The following NBEAL1 variants were observed in gnomAD, a reference collection of about 807,000 sequenced individuals.
NBEAL1 encodes the protein neurobeachin like 1.
NBEAL1 carries 273 observed loss-of-function variants against 351.3 expected under a neutral mutation model. That is an observed-to-expected ratio of 0.78 (90% CI 0.70 to 0.86). The LOEUF (loss-of-function observed/expected upper bound fraction) is 0.86, where lower values mean the gene tolerates loss of function less well. NBEAL1 is among the 40% of genes least tolerant of loss of function. The pLI, the probability that NBEAL1 is intolerant of heterozygous loss-of-function variation, is 0.00. For synonymous variants in NBEAL1, 1,050 were observed against 1,086.4 expected (o/e 0.97, Z 0.66); for missense variants, 2,961 against 3,201.3 (o/e 0.92, Z 1.81).
chr2:203,203,021 C>T (rs770305155), intron 51 of NBEAL1, among the ~76,000 whole-genome samples: 22 of 152,204 alleles, frequency 1.4e-4, no homozygotes, highest in Non-Finnish European at 2.8e-4. Context: ...CCTAGGAAAA[C>T]GGGAATTATT....
chr2:203,031,068 TGCTGGCA>T (rs1334735929), intron 2 of NBEAL1, among the ~76,000 whole-genome samples: 2 of 152,182 alleles, frequency 1.3e-5, no homozygotes, highest in Non-Finnish European at 2.9e-5. Flanking sequence ...TTTAGAAAAA[TGCTGGCA>T]GTTAAACTGC....
intron 10 of NBEAL1, among the ~76,000 whole-genome samples, chr2:203,089,386 G>T (rs934244694): frequency 6.6e-6 from 1 of 151,050 alleles, no homozygotes; most frequent in Non-Finnish European, 1.5e-5. Flanking sequence ...TCCCCACTTT[G>T]TTCCAGGTCT....
chr2:203,087,105 T>A (rs1366191031), intron 10 of NBEAL1, among the ~76,000 whole-genome samples: 1 of 146,836 alleles, frequency 6.8e-6, no homozygotes, highest in Non-Finnish European at 1.5e-5. Context: ...TTTTTTTTTT[T>A]TTTTTTTGGA....
intron 6 of NBEAL1, among the ~76,000 whole-genome samples, chr2:203,059,404 C>G (rs2061459455): frequency 6.6e-6 from 1 of 152,256 alleles, no homozygotes; most frequent in African/African-American, 2.4e-5. Flanking sequence ...CAGAGAGCCT[C>G]TACTCATCAG....
intron 47 of NBEAL1, among the ~76,000 whole-genome samples, chr2:203,196,468 T>C (rs2065243878): frequency 6.6e-6 from 1 of 152,222 alleles, no homozygotes; most frequent in Non-Finnish European, 1.5e-5. Flanking sequence ...AAAGTAGAGA[T>C]AGTAGTGAAA....
chr2:203,093,173 A>G (rs1304994327), intron 10 of NBEAL1, among the ~76,000 whole-genome samples: 4 of 134,740 alleles, frequency 3.0e-5, no homozygotes, highest in Non-Finnish European at 6.2e-5. Context: ...TGGAGGTTGC[A>G]GTGAGCCGAG....
chr2:203,182,610 T>G (rs992298208), intron 43 of NBEAL1: 3 of 152,254 alleles, frequency 2.0e-5, no homozygotes, highest in Non-Finnish European at 1.5e-5. Flanking sequence ...AAAGACCCTG[T>G]GCATTCTGTC....
At chr2:203,030,330 G>T (rs1053658788) in intron 2 of NBEAL1, among the ~76,000 whole-genome samples, 5 of 152,116 alleles carry the variant, frequency 3.3e-5, no homozygotes, top group African/African-American at 1.2e-4. Flanking sequence ...CTTTTGCCTG[G>T]TGAACTTGAG....
chr2:203,065,157 G>A (rs1436067813), intron 6 of NBEAL1, among the ~76,000 whole-genome samples: 4 of 152,108 alleles, frequency 2.6e-5, no homozygotes, highest in Admixed American at 2.6e-4. Context: ...TTTGCAGGAG[G>A]CTGAGGTGGG....
chr2:203,142,584 A>T (rs974285569), intron 31 of NBEAL1, among the ~76,000 whole-genome samples: 3 of 152,246 alleles, frequency 2.0e-5, no homozygotes, highest in Non-Finnish European at 4.4e-5. Flanking sequence ...CAAGTAAATT[A>T]TCTTATATTC....
In NBEAL1 at chr2:203,094,605, T is replaced by C. The variant is rs74386671; in HGVS notation, c.1099-2942T>C. ...TATGAGATTCGTCAGCCTATTTAAG[T>C]ATGCGTTGATTTCCGTAAGTATTTG... On this transcript the variant is annotated intron_variant, in intron 10 of 55. Coordinates refer to ENST00000683969, the MANE Select transcript of NBEAL1 (RefSeq NM_001378026.1). Among the ~76,000 whole-genome samples the C allele has an allele frequency of 6.6e-5, 10 of 152,318 alleles. No homozygotes were observed. The East Asian group carries it at 1.7e-3, about 26-fold the overall frequency.
intron 18 of NBEAL1, among the ~76,000 whole-genome samples, chr2:203,120,058 A>G (rs1381023288): frequency 6.6e-6 from 1 of 152,222 alleles, no homozygotes; most frequent in East Asian, 1.9e-4. Context: ...CTCTGTCTGT[A>G]AGAAGCTTAC....
chr2:203,211,168 T>A lies in NBEAL1; in HGVS notation c.7934+62T>A, dbSNP rs572394511. ...AAGGGGCAGTACTTCTAGTCTAGAG[T>A]GAAAATCAGGAATCTAAGATTTTTA... On this transcript the variant is annotated intron_variant, in intron 54 of 55. Transcript: ENST00000683969. 1.4e-4 allele frequency: 163 copies of A among 1,172,350 alleles called. No individual in the cohort carries two copies. In the African/African-American group the frequency reaches 2.4e-3, roughly 17 times the overall value. The allele number at this position is 1,172,350 out of a possible 1,614,324, so 72.6% of individuals were successfully genotyped here. A position where few individuals can be genotyped will look rare whatever the true frequency, so the allele number is the denominator to read the frequency against.
chr2:203,208,985 A>C (rs193207698), intron 52 of NBEAL1, among the ~76,000 whole-genome samples, 176 bp from the exon 53 acceptor site: 2 of 152,276 alleles, frequency 1.3e-5, no homozygotes, highest in East Asian at 3.9e-4. Context: ...CTAGGAAATA[A>C]AATACTATTT....
intron 7 of NBEAL1, among the ~76,000 whole-genome samples, chr2:203,076,991 G>C (rs1029324984): frequency 6.6e-6 from 1 of 151,794 alleles, no homozygotes; most frequent in Non-Finnish European, 1.5e-5. Context: ...ACATTTCCTG[G>C]GTCCACTCCA....
intron 8 of NBEAL1, among the ~76,000 whole-genome samples, chr2:203,080,901 T>C (rs750131710): frequency 1.3e-5 from 2 of 152,232 alleles, no homozygotes; most frequent in Non-Finnish European, 1.5e-5. Flanking sequence ...GGCATTGTTA[T>C]GACTAATGTA....
At chr2:203,099,554 G>T (rs2062262815) in intron 11 of NBEAL1, 75 bp from the exon 12 acceptor site, 2 of 947,712 alleles carry the variant, frequency 2.1e-6, no homozygotes, top group African/African-American at 1.7e-5. Flanking sequence ...CAGGTTTTCA[G>T]ACCAAAGGTT....
chr2:203,219,411 A>G lies in NBEAL1; in HGVS notation c.*2057A>G, dbSNP rs545990138. 5.3e-5 allele frequency: 8 copies of G among 152,238 alleles called. No homozygotes were observed. The highest frequency in any genetic ancestry group is 1.7e-4 in the African/African-American group (7 of 41,546). 9.4% of individuals were successfully genotyped at this position (152,238 alleles called of 1,614,324 possible). Reference sequence around the variant, plus strand: ...ATGCCTAAGTTTATGATGTTTTACTATGCTGCTTTTTAGATGGAAGAAATA... The same window carrying G: ...ATGCCTAAGTTTATGATGTTTTACTGTGCTGCTTTTTAGATGGAAGAAATA... On this transcript the variant is annotated 3_prime_UTR_variant, in exon 56 of 56. Coordinates refer to ENST00000683969, the MANE Select transcript of NBEAL1 (RefSeq NM_001378026.1).
At chr2:203,137,294 C>T (rs1019306264) in intron 29 of NBEAL1, among the ~76,000 whole-genome samples, 2 of 152,132 alleles carry the variant, frequency 1.3e-5, no homozygotes, top group African/African-American at 4.8e-5. Context: ...TTTTTTTAAG[C>T]TCATCAGCTA....
Sources: gnomAD v4.1 joint callset for allele counts (sites outside exome capture counted in the v4.1 genomes callset) on GRCh38, gnomAD v4.1.1 for gene constraint, MANE v1.5 for transcripts, NCBI Gene and HGNC (gene_info 2026-07-23, HGNC 2026-07-21) for gene names.